TEX11: variants seen among roughly 807,000 people sequenced by gnomAD.
TEX11 encodes testis-expressed protein 11.
A neutral mutation model predicts 84.4 loss-of-function variants in TEX11; 7 were observed. That is an observed-to-expected ratio of 0.08 (90% CI 0.05 to 0.16). The LOEUF (loss-of-function observed/expected upper bound fraction) is 0.16. Among genes scored for constraint, TEX11 ranks in the 10% least tolerant of loss-of-function variants. The probability of loss-of-function intolerance (pLI) is 1.00; values close to 1 mark genes in which losing one functional copy is unlikely to be tolerated. For synonymous variants in TEX11, 264 were observed against 222.8 expected, an observed-to-expected ratio of 1.18 and a Z score of -1.64; for missense variants, 551 against 660.5, an observed-to-expected ratio of 0.83 and a Z score of 1.82.
intron 7 of TEX11, among the ~76,000 whole-genome samples, chrX:70,846,701 A>G (rs917576010): frequency 1.8e-5 from 2 of 111,753 alleles, no homozygotes; most frequent in African/African-American, 3.3e-5. Context: ...AGGTGGGTGG[A>G]TTGCTTGAGG....
chrX:70,776,857 A>G (rs1320424469), intron 9 of TEX11, among the ~76,000 whole-genome samples: 1 of 110,932 alleles, frequency 9.0e-6, no homozygotes, highest in Non-Finnish European at 1.9e-5. Flanking sequence ...GAGTCAGGCA[A>G]CAATTTCAGA....
chrX:70,773,619 G>A (rs2090984506), intron 9 of TEX11, among the ~76,000 whole-genome samples: 1 of 111,558 alleles, frequency 9.0e-6, no homozygotes, highest in South Asian at 3.8e-4. Flanking sequence ...ATAAAGGTAA[G>A]AATATACTCA....
At chrX:70,698,784 G>T (rs5981006) in intron 13 of TEX11, among the ~76,000 whole-genome samples, 33,319 of 110,072 alleles carry the variant, frequency 0.3, 3,925 homozygotes, top group Admixed American at 0.42. Context: ...AAGGAGTAAA[G>T]AGGAAAATCA....
At chrX:70,650,221 C>G (rs2089795402) in intron 17 of TEX11, among the ~76,000 whole-genome samples, 1 of 110,390 alleles carries the variant, frequency 9.1e-6, no homozygotes, top group African/African-American at 3.3e-5. Flanking sequence ...GTATGCACTT[C>G]AAAACTCAGA....
intron 16 of TEX11, among the ~76,000 whole-genome samples, chrX:70,657,606 C>T (rs1458560514): frequency 9.1e-6 from 1 of 110,384 alleles, no homozygotes; most frequent in Admixed American, 9.7e-5. Context: ...AATCATGCTG[C>T]TATAAAGACA....
intron 24 of TEX11, among the ~76,000 whole-genome samples, chrX:70,602,610 A>C (rs1218567202): frequency 1.8e-4 from 19 of 108,046 alleles, no homozygotes; most frequent in African/African-American, 6.1e-4. Context: ...GAATGGGCAA[A>C]CACTGGAAGC....
chrX:70,590,334 A>G (rs779843884), intron 25 of TEX11, among the ~76,000 whole-genome samples: 1 of 112,053 alleles, frequency 8.9e-6, no homozygotes, highest in Non-Finnish European at 1.9e-5. Context: ...TGCCAAAGAC[A>G]TAACACATAA....
rs2087849488 is a variant in TEX11, at chrX:70,528,948, G to C, written c.*147C>G. On this transcript the variant is annotated 3_prime_UTR_variant, in exon 30 of 30. Transcript: ENST00000374333. ...TGAGCTGGTCACCAAGGTAAATTCA[G>C]CATGCTTTTATTTTAGAAAGTTTAT... The C allele has an allele frequency of 6.5e-6, 3 of 465,056 alleles. No individual in the cohort carries two copies. 38.3% of individuals were successfully genotyped at this position (465,056 alleles called of 1,213,427 possible).
chrX:70,597,716 G>T (rs999730898), intron 24 of TEX11, among the ~76,000 whole-genome samples: 7 of 111,589 alleles, frequency 6.3e-5, no homozygotes, highest in Non-Finnish European at 1.3e-4. Flanking sequence ...TTAGAAAATG[G>T]TCTTAGATAT....
At chrX:70,633,826 G>A (rs1262785479) in intron 17 of TEX11, among the ~76,000 whole-genome samples, 1 of 111,716 alleles carries the variant, frequency 9.0e-6, no homozygotes, top group Non-Finnish European at 1.9e-5. Flanking sequence ...GCTGAGGCAC[G>A]AGAATCGTTT....
At chrX:70,546,669 A>G (rs1213276224) in intron 28 of TEX11, among the ~76,000 whole-genome samples, 1 of 111,513 alleles carries the variant, frequency 9.0e-6, no homozygotes, top group Non-Finnish European at 1.9e-5. Flanking sequence ...AATATAAATC[A>G]AAACCACAAT....
rs145115336 is a variant in TEX11, at chrX:70,778,523, T to C, written c.692+28182A>G. Among the ~76,000 whole-genome samples, 10 of 111,462 alleles carry C rather than the reference T, an allele frequency of 9.0e-5. No homozygotes were observed. The East Asian group carries it at 2.8e-3, about 31-fold the overall frequency. On this transcript the variant is annotated intron_variant, in intron 9 of 29. Coordinates refer to ENST00000374333, the MANE Select transcript of TEX11 (RefSeq NM_031276.3). Reference sequence around the variant, plus strand: ...AAGCTGGAGTACACTGACACTATCATAGCTCACTGTAGCCTCAACCTCCCA... The same window carrying C: ...AAGCTGGAGTACACTGACACTATCACAGCTCACTGTAGCCTCAACCTCCCA...
At chrX:70,740,835 T>C (rs1384794059) in intron 10 of TEX11, 39 bp from the exon 11 acceptor site, 10 of 937,346 alleles carry the variant, frequency 1.1e-5, no homozygotes, top group Non-Finnish European at 1.5e-5. Context: ...ACATATCTGA[T>C]GGTTAAACTT....
At chrX:70,717,048 A>C (rs750065730) in intron 13 of TEX11, among the ~76,000 whole-genome samples, 6 of 112,008 alleles carry the variant, frequency 5.4e-5, no homozygotes, top group African/African-American at 1.6e-4. Context: ...CTGCTTTTCT[A>C]GAATCCAAAG....
chrX:70,722,306 C>T (rs1025960245), intron 13 of TEX11, among the ~76,000 whole-genome samples: 1 of 112,118 alleles, frequency 8.9e-6, no homozygotes, highest in African/African-American at 3.2e-5. Context: ...GAGTCCTGCT[C>T]TGTTGCCCAT....
At chrX:70,648,884 C>T (rs906895882) in intron 17 of TEX11, among the ~76,000 whole-genome samples, 1 of 108,828 alleles carries the variant, frequency 9.2e-6, no homozygotes, top group Admixed American at 9.8e-5. Context: ...CCGCCCCCAA[C>T]AGGCCCCAGT....
rs367927116 is a variant in TEX11, at chrX:70,759,699, G to A, written c.693-15480C>T. Among the ~76,000 whole-genome samples, 86 of 111,202 alleles carry A rather than the reference G, an allele frequency of 7.7e-4. 2 individuals carry two copies. The East Asian group carries it at 0.011, about 15-fold the overall frequency. Reference sequence around the variant, plus strand: ...ACTGGAAGCATTCCCTTTGAAAACCGGCACAAGACAAGGATGCCCTCTCTC... The same window carrying A: ...ACTGGAAGCATTCCCTTTGAAAACCAGCACAAGACAAGGATGCCCTCTCTC... On this transcript the variant is annotated intron_variant, in intron 9 of 29. Coordinates refer to ENST00000374333, the MANE Select transcript of TEX11 (RefSeq NM_031276.3).
chrX:70,523,361 A>G, the TEX11 span, among the ~76,000 whole-genome samples: 1 of 111,550 alleles, frequency 9.0e-6, no homozygotes, highest in Non-Finnish European at 1.9e-5. Flanking sequence ...GACAAATTGT[A>G]TGTCAGGATG....
At chrX:70,699,621 T>G (rs1223881929) in intron 13 of TEX11, among the ~76,000 whole-genome samples, 1 of 111,437 alleles carries the variant, frequency 9.0e-6, no homozygotes, top group Non-Finnish European at 1.9e-5. Context: ...ATGAACAACC[T>G]TAAAGAGAAG....
Sources: gnomAD v4.1 joint callset for allele counts (sites outside exome capture counted in the v4.1 genomes callset) on GRCh38, gnomAD v4.1.1 for gene constraint, MANE v1.5 for transcripts, NCBI Gene and HGNC (gene_info 2026-07-23, HGNC 2026-07-21) for gene names.